The following FAT3 variants were observed in gnomAD, a reference collection of about 807,000 sequenced individuals.
The protein encoded by FAT3 is protocadherin Fat 3.
In FAT3, 95 loss-of-function variants were observed where a neutral mutation model predicts 310.2. That is an observed-to-expected ratio of 0.31 (90% CI 0.26 to 0.36). The LOEUF (loss-of-function observed/expected upper bound fraction) is 0.36. Among genes scored for constraint, FAT3 ranks in the 10% least tolerant of loss-of-function variants. The pLI, the probability that FAT3 is intolerant of heterozygous loss-of-function variation, is 1.00. For synonymous variants in FAT3, 2,314 were observed against 2,192.9 expected (o/e 1.06, Z -1.54); for missense variants, 5,408 against 5,715.6 (o/e 0.95, Z 1.74).
chr11:92,379,874 A>G (rs1949445257), intron 2 of FAT3, among the ~76,000 whole-genome samples: 5 of 152,172 alleles, frequency 3.3e-5, no homozygotes, highest in Admixed American at 3.3e-4. Context: ...AAGAAGGTCA[A>G]CAAGGAATCA....
At chr11:92,431,802 T>C (rs1950787720) in intron 2 of FAT3, among the ~76,000 whole-genome samples, 1 of 152,234 alleles carries the variant, frequency 6.6e-6, no homozygotes, top group South Asian at 2.1e-4. Context: ...AAAGATCAGA[T>C]GGTTGTAGAT....
At chr11:92,503,401 T>C (rs1213980031) in intron 2 of FAT3, among the ~76,000 whole-genome samples, 2 of 152,126 alleles carry the variant, frequency 1.3e-5, no homozygotes, top group Non-Finnish European at 2.9e-5. Flanking sequence ...GTAAATAGTG[T>C]TTACTATCAT....
At chr11:92,674,885 G>A (rs1243967205) in intron 3 of FAT3, among the ~76,000 whole-genome samples, 7 of 152,072 alleles carry the variant, frequency 4.6e-5, no homozygotes, top group Non-Finnish European at 7.4e-5. Flanking sequence ...ACATAATGAG[G>A]ATTTTGGAAG....
chr11:92,844,521 G>A lies in FAT3; in HGVS notation c.11154G>A (p.Leu3718=), dbSNP rs1370467459. 1.2e-6 allele frequency: 2 copies of A among 1,613,876 alleles called. No homozygotes were observed. The highest frequency in any genetic ancestry group is 1.3e-5 in the African/African-American group (1 of 74,932). Residue 3718 remains leucine, a synonymous_variant, in exon 19 of 28, where the codon CTG becomes CTA. Transcript: ENST00000525166. ...HSSEFYKPAY[L]IQKLSNARRH... ...GCGAGTTCTACAAGCCAGCCTACCTGATCCAGAAGCTGTCCAATGCTAGAA... is the reference window on the plus strand; with the variant it reads ...GCGAGTTCTACAAGCCAGCCTACCTAATCCAGAAGCTGTCCAATGCTAGAA...
chr11:92,558,676 T>G (rs1398432726), intron 3 of FAT3, among the ~76,000 whole-genome samples: 1 of 152,140 alleles, frequency 6.6e-6, no homozygotes, highest in Non-Finnish European at 1.5e-5. Flanking sequence ...GTTTGTGTAG[T>G]GTTTTTATAT....
chr11:92,782,313 A>G (rs1946773693), intron 7 of FAT3, among the ~76,000 whole-genome samples: 1 of 152,138 alleles, frequency 6.6e-6, no homozygotes, highest in Admixed American at 6.6e-5. Context: ...AAAAAATTAA[A>G]AGGCTGGGTA....
chr11:92,346,395 A>G (rs140788873), intron 1 of FAT3, among the ~76,000 whole-genome samples: 88 of 152,234 alleles, frequency 5.8e-4, no homozygotes, highest in African/African-American at 1.9e-3. Context: ...ATTGGAATCA[A>G]TTACAGAGCT....
At chr11:92,791,706 T>C (rs1056185627) in intron 8 of FAT3, among the ~76,000 whole-genome samples, 2 of 152,220 alleles carry the variant, frequency 1.3e-5, no homozygotes, top group African/African-American at 4.8e-5. Context: ...ATTTTCTAAT[T>C]TCTTCACATC....
chr11:92,581,432 A>G (rs1938792775), intron 3 of FAT3, among the ~76,000 whole-genome samples: 1 of 151,466 alleles, frequency 6.6e-6, no homozygotes, highest in African/African-American at 2.4e-5. Context: ...CATTCAGAAT[A>G]TCCACCTCCT....
chr11:92,559,791 G>T (rs961981478), intron 3 of FAT3, among the ~76,000 whole-genome samples: 2 of 152,124 alleles, frequency 1.3e-5, no homozygotes, highest in African/African-American at 4.8e-5. Context: ...TGTGTTGTGT[G>T]TATCAGTATT....
intron 2 of FAT3, among the ~76,000 whole-genome samples, chr11:92,367,477 G>A (rs950008440): frequency 2.6e-5 from 4 of 151,832 alleles, no homozygotes; most frequent in Admixed American, 1.3e-4. Context: ...AATAAATAAG[G>A]TGGGCATGGT....
chr11:92,497,036 G>T (rs776473021), intron 2 of FAT3, among the ~76,000 whole-genome samples: 1 of 151,984 alleles, frequency 6.6e-6, no homozygotes, highest in Non-Finnish European at 1.5e-5. Context: ...AGTGTATTTC[G>T]AATGGAACCT....
intron 3 of FAT3, among the ~76,000 whole-genome samples, chr11:92,628,496 C>G (rs1329408549): frequency 1.3e-5 from 2 of 152,070 alleles, no homozygotes; most frequent in Non-Finnish European, 2.9e-5. Flanking sequence ...GCTCTGCCCT[C>G]CTCTCTTGAA....
At chr11:92,381,495 A>G (rs1457448853) in intron 2 of FAT3, among the ~76,000 whole-genome samples, 1 of 152,162 alleles carries the variant, frequency 6.6e-6, no homozygotes. Context: ...CCTGGGTGAC[A>G]AGAGTGAAAT....
intron 2 of FAT3, among the ~76,000 whole-genome samples, chr11:92,485,904 C>G (rs1205403207): frequency 6.6e-6 from 1 of 151,624 alleles, no homozygotes; most frequent in Non-Finnish European, 1.5e-5. Flanking sequence ...GAATCTTTTT[C>G]TAGATTAATG....
chr11:92,273,935 C>A (rs1318862), intron 1 of FAT3, among the ~76,000 whole-genome samples: 1 of 151,896 alleles, frequency 6.6e-6, no homozygotes, highest in African/African-American at 2.4e-5. Context: ...AACTTTATGA[C>A]GGGTTTGTTT....
chr11:92,470,352 A>G (rs1249832644), intron 2 of FAT3, among the ~76,000 whole-genome samples: 1 of 152,238 alleles, frequency 6.6e-6, no homozygotes, highest in Non-Finnish European at 1.5e-5. Context: ...TTCCACCATC[A>G]GTTATATAAT....
intron 2 of FAT3, among the ~76,000 whole-genome samples, chr11:92,387,725 A>AGAAGATCCTGTATAAGTGGATTTTGAT (rs1949658750): frequency 6.6e-6 from 1 of 152,156 alleles, no homozygotes; most frequent in African/African-American, 2.4e-5. Context: ...GGTTAAGGCG[A>AGAAGATCCTGTATAAGTGGATTTTGAT]GAAGATCCTG....
intron 1 of FAT3, among the ~76,000 whole-genome samples, chr11:92,343,560 T>A (rs2134593000): frequency 6.6e-6 from 1 of 152,322 alleles, no homozygotes. Flanking sequence ...TATGAAAATA[T>A]ATGGATGATT....
Sources: gnomAD v4.1 joint callset for allele counts (sites outside exome capture counted in the v4.1 genomes callset) on GRCh38, gnomAD v4.1.1 for gene constraint, MANE v1.5 for transcripts, NCBI Gene and HGNC (gene_info 2026-07-23, HGNC 2026-07-21) for gene names.